The following NPC1 variants were observed in gnomAD, a reference collection of about 807,000 sequenced individuals.
NPC1 encodes the protein NPC intracellular cholesterol transporter 1.
Under a neutral mutation model 140.4 loss-of-function variants are expected in NPC1, and 85 were observed. The ratio of observed to expected loss-of-function variants is 0.61; its 90% CI spans 0.51 to 0.72. NPC1 has a LOEUF of 0.72. Ranked by LOEUF, NPC1 falls within the 30% of genes least tolerant of loss-of-function variation. The probability of loss-of-function intolerance (pLI) is 0.00; values close to 1 mark genes in which losing one functional copy is unlikely to be tolerated. For missense variants in NPC1, 1,504 were observed against 1,623.8 expected, an observed-to-expected ratio of 0.93 and a Z score of 1.27; for synonymous variants, 656 against 624.8, an observed-to-expected ratio of 1.05 and a Z score of -0.74.
In NPC1 at chr18:23,539,946, G is replaced by A. The variant is rs1169032037; in HGVS notation, c.2660C>T (p.Pro887Leu). 2 of 1,614,172 alleles carry A rather than the reference G, an allele frequency of 1.2e-6. No homozygotes were observed. The highest frequency in any genetic ancestry group is 1.7e-6 in the Non-Finnish European group (2 of 1,180,028). The change falls in exon 18 of 25, where the codon CCG becomes CTG. Residue 887 changes from proline to leucine, a missense_variant. By Grantham distance (98) the Pro-to-Leu change is moderately conservative. Coordinates refer to ENST00000269228, the MANE Select transcript of NPC1 (RefSeq NM_000271.5). ...TTCCTCCAGGACAAAGTACACAGGC[G>A]GACCCGCATGCAGGTACTGACTGAT... Reference protein sequence around the residue: ...KSISQYLHAGPPVYFVLEEGH... With the variant: ...KSISQYLHAGLPVYFVLEEGH...
chr18:23,538,631 C>T lies in NPC1; in HGVS notation c.2952G>A (p.Pro984=), dbSNP rs749366756. 8 of 1,614,114 alleles carry T rather than the reference C, an allele frequency of 5.0e-6. No homozygotes were observed. Among genetic ancestry groups the T allele is most frequent in the East Asian group, 4.5e-5 (2 of 44,886 alleles). ...CCCCCTGAGGCCTCTGTTTGCCTTC[C>T]GGAGTCAGAGGCCTGCAGCGAACGC... ...PACVRCRPLT[P]EGKQRPQGGD... Residue 984 remains proline, a synonymous_variant, in exon 20 of 25, where the codon CCG becomes CCA. Transcript: ENST00000269228.
chr18:23,535,713 G>C lies in NPC1; in HGVS notation c.3246-13C>G, dbSNP rs765085780. ...GACATAAAACACACTGGAGGGGAGA[G>C]GGGAGGCCTCATTAAAGCTCGCTCT... On this transcript the variant is annotated splice_polypyrimidine_tract_variant and intron_variant, in intron 21 of 24. Coordinates refer to ENST00000269228, the MANE Select transcript of NPC1 (RefSeq NM_000271.5). 1.9e-6 allele frequency: 3 copies of C among 1,572,960 alleles called. No individual in the cohort carries two copies. In the African/African-American group the frequency reaches 4.1e-5, roughly 21 times the overall value.
intron 3 of NPC1, among the ~76,000 whole-genome samples, chr18:23,571,550 G>A (rs1184004563): frequency 1.3e-5 from 2 of 151,982 alleles, no homozygotes; most frequent in African/African-American, 4.8e-5. Flanking sequence ...CCAGCTACTG[G>A]GGAGGCTGAG....
chr18:23,530,320 T>C (rs775262488), downstream of NPC1: 86 of 1,614,112 alleles, frequency 5.3e-5, no homozygotes, highest in Non-Finnish European at 5.1e-5. Context: ...TGTGAGGTTT[T>C]AGACTATGGA....
Position 23,560,255 on chromosome 18 carries a change from G to A in NPC1, c.857C>T (p.Ala286Val), listed in dbSNP as rs1555638429. ...CCTGTAGCACCACACTGCAAAAAAT[G>A]CTCCAAAAAACACAAGCAAAAACGC... is the stretch of plus-strand genomic sequence containing the variant. Reference protein sequence around the residue: ...YMAFLLVFFGAFFAVWCYRKR... With the variant: ...YMAFLLVFFGVFFAVWCYRKR... Residue 286 changes from alanine (A) to valine (V), a missense_variant, in exon 6 of 25, where the codon GCA (alanine) becomes GTA (valine). Physicochemically the swap from Ala to Val is moderately conservative, Grantham distance 64. Coordinates refer to ENST00000269228, the MANE Select transcript of NPC1 (RefSeq NM_000271.5). 6 of 1,614,018 alleles carry A rather than the reference G, an allele frequency of 3.7e-6. No homozygotes were observed. The highest frequency in any genetic ancestry group is 2.7e-5 in the African/African-American group (2 of 74,920).
downstream of NPC1, among the ~76,000 whole-genome samples, chr18:23,521,349 A>C (rs1328935284): frequency 1.3e-5 from 2 of 152,228 alleles, no homozygotes; most frequent in Admixed American, 1.3e-4. Flanking sequence ...TACACCCGTA[A>C]CGTTTTCTGT....
Position 23,544,947 on chromosome 18 carries a change from C to CCT in NPC1, c.1947+12_1947+13insAG. 4 of 1,359,588 alleles carry CCT rather than the reference C, an allele frequency of 2.9e-6. No homozygotes were observed. The highest frequency in any genetic ancestry group is 4.2e-6 in the Non-Finnish European group (4 of 963,782). The allele number at this position is 1,359,588 out of a possible 1,614,324, so 84.2% of individuals were successfully genotyped here. A position where few individuals can be genotyped will look rare whatever the true frequency, so the allele number is the denominator to read the frequency against. Reference sequence around the variant, plus strand: ...TTAACCTCTAGAACATACACCACCCCCCCCCGGCTTACCAGAAGCCTGCGA... The same window carrying CCT: ...TTAACCTCTAGAACATACACCACCCCCTCCCCCGGCTTACCAGAAGCCTGCGA... On this transcript the variant is annotated intron_variant, in intron 12 of 24. Transcript: ENST00000269228.
chr18:23,537,703 G>C (rs946539437), intron 20 of NPC1, among the ~76,000 whole-genome samples: 2 of 152,184 alleles, frequency 1.3e-5, no homozygotes, highest in Admixed American at 1.3e-4. Context: ...AGGAACGGTG[G>C]CTACTGCCTT....
At position 23,543,355 on chromosome 18, in the gene NPC1, A is replaced by G; in HGVS notation, c.2245+100T>C. ...GAGAAAAAAAAAAAAAAGAAAAAAA[A>G]AAAAAGGAAGCAACACAAAGGGACA... On this transcript the variant is annotated intron_variant, in intron 14 of 24. Transcript: ENST00000269228. 6 of 738,450 alleles carry G rather than the reference A, an allele frequency of 8.1e-6. No homozygotes were observed. In the South Asian group the frequency reaches 9.4e-5, roughly 12 times the overall value. 45.7% of individuals were successfully genotyped at this position (738,450 alleles called of 1,614,324 possible). A position where few individuals can be genotyped will look rare whatever the true frequency, so the allele number is the denominator to read the frequency against.
At chr18:23,554,381 G>A (rs113491800) in intron 9 of NPC1, among the ~76,000 whole-genome samples, 13 of 152,132 alleles carry the variant, frequency 8.5e-5, no homozygotes, top group African/African-American at 2.4e-4. Flanking sequence ...CGAGGTGGGC[G>A]GATCGCCTGA....
intron 1 of NPC1, among the ~76,000 whole-genome samples, chr18:23,584,290 C>G (rs569046936): frequency 2.6e-5 from 4 of 152,118 alleles, no homozygotes; most frequent in African/African-American, 9.7e-5. Flanking sequence ...ATCATCGGTA[C>G]GAATTCTAAA....
chr18:23,538,609 C>A lies in NPC1; in HGVS notation c.2974G>T (p.Gly992Trp), dbSNP rs80358254. The stretch of plus-strand genomic sequence containing the variant: ...GGCAGGAATCTCATGAAGTCTCCCC[C>A]CTGAGGCCTCTGTTTGCCTTCCGGA... ...LTPEGKQRPQ[G>W]GDFMRFLPMF... The change falls in exon 20 of 25, where the codon GGG (glycine) becomes TGG (tryptophan). Residue 992 changes from glycine to tryptophan, a missense_variant. Transcript: ENST00000269228. The A allele has an allele frequency of 1.9e-5, 31 of 1,614,068 alleles. No individual in the cohort carries two copies. Among genetic ancestry groups the A allele is most frequent in the East Asian group, 6.7e-5 (3 of 44,898 alleles).
chr18:23,516,410 G>A (rs368667300), intron 3 of NPC1: 4 of 1,614,060 alleles, frequency 2.5e-6, no homozygotes, highest in African/African-American at 1.3e-5. Flanking sequence ...AAGAGACATC[G>A]CAATGGCTAC....
intron 5 of NPC1, 96 bp from the exon 6 acceptor site, chr18:23,560,576 T>A: frequency 8.1e-7 from 1 of 1,238,448 alleles, no homozygotes; most frequent in Non-Finnish European, 1.2e-6. Context: ...CTGAAATACA[T>A]AAAACAACTG....
At chr18:23,540,745 G>C (rs1394159234) in intron 16 of NPC1, among the ~76,000 whole-genome samples, 1 of 152,174 alleles carries the variant, frequency 6.6e-6, no homozygotes, top group African/African-American at 2.4e-5. Flanking sequence ...GCCACTTACG[G>C]GCTGAGTGAC....
downstream of NPC1, chr18:23,526,850 G>A: frequency 6.6e-7 from 1 of 1,521,668 alleles, no homozygotes; most frequent in East Asian, 2.3e-5. Context: ...GGGCTACATT[G>A]TTGTGTCTTG....
At chr18:23,577,579 C>T (rs1218603017) in intron 1 of NPC1, among the ~76,000 whole-genome samples, 3 of 152,172 alleles carry the variant, frequency 2.0e-5, no homozygotes, top group Admixed American at 6.5e-5. Context: ...TAGTGGATCC[C>T]GCACCGGGGC....
At chr18:23,529,422 G>A, downstream of NPC1, 2 of 1,434,382 alleles carry the variant, frequency 1.4e-6, no homozygotes, top group East Asian at 2.4e-5. Context: ...AGTTTCCTTG[G>A]GTGAGGCCCT....
intron 1 of NPC1, among the ~76,000 whole-genome samples, chr18:23,576,086 G>C (rs1033072393): frequency 1.3e-5 from 2 of 151,962 alleles, no homozygotes; most frequent in African/African-American, 2.4e-5. Context: ...AGCCAGGTGT[G>C]GGGGGTGCAT....
Sources: allele counts gnomAD v4.1 joint callset (sites outside exome capture counted in the v4.1 genomes callset), GRCh38; gene constraint gnomAD v4.1.1; transcripts MANE v1.5; gene names NCBI Gene and HGNC (gene_info 2026-07-23, HGNC 2026-07-21).